GABRG3: variants seen among roughly 807,000 people sequenced by gnomAD.
GABRG3 encodes gamma-aminobutyric acid type A receptor subunit gamma3.
Under a neutral mutation model 48.8 loss-of-function variants are expected in GABRG3, and 25 were observed. That is an observed-to-expected ratio of 0.51 (90% CI 0.37 to 0.72). The LOEUF (loss-of-function observed/expected upper bound fraction) is 0.72, where lower values mean the gene tolerates loss of function less well. Ranked by LOEUF, GABRG3 falls within the 30% of genes least tolerant of loss-of-function variation. The pLI, the probability that GABRG3 is intolerant of heterozygous loss-of-function variation, is 0.00. For synonymous variants in GABRG3, 227 were observed against 217.6 expected (o/e 1.04, Z -0.38); for missense variants, 394 against 577.9 (o/e 0.68, Z 3.26).
In GABRG3 at chr15:27,311,253, A is replaced by G. The variant is rs188820003; in HGVS notation, c.271-15556A>G. On this transcript the variant is annotated intron_variant, in intron 3 of 9. Transcript: ENST00000615808. Reference sequence around the variant, plus strand: ...CCTAGGTGAGCACAAAACTACCCACATCAAAGTCAGTAGGGAAATTTAAGA... The same window carrying G: ...CCTAGGTGAGCACAAAACTACCCACGTCAAAGTCAGTAGGGAAATTTAAGA... Among the ~76,000 whole-genome samples, 1,450 of 151,678 alleles carry G rather than the reference A, an allele frequency of 9.6e-3. 49 individuals carry two copies. In the East Asian group the frequency reaches 0.11, roughly 12 times the overall value.
At chr15:27,264,044 C>G (rs1043172656) in intron 3 of GABRG3, among the ~76,000 whole-genome samples, 1 of 152,004 alleles carries the variant, frequency 6.6e-6, no homozygotes, top group Non-Finnish European at 1.5e-5. Flanking sequence ...AAGGGCCGCT[C>G]CCTTGAGCTG....
intron 3 of GABRG3, among the ~76,000 whole-genome samples, chr15:27,132,471 GTTTTTTTTTT>G (rs59023766): frequency 3.0e-4 from 12 of 39,592 alleles, no homozygotes; most frequent in African/African-American, 9.7e-4. Flanking sequence ...AGTAGTTACA[GTTTTTTTTTT>G]TTTTTTTTTT....
intron 3 of GABRG3, among the ~76,000 whole-genome samples, chr15:27,096,743 G>A (rs1167231700): frequency 6.6e-6 from 1 of 151,374 alleles, no homozygotes; most frequent in Non-Finnish European, 1.5e-5. Context: ...CCTTCTTTTT[G>A]TATTTGTTGT....
intron 3 of GABRG3, among the ~76,000 whole-genome samples, chr15:27,074,231 A>G (rs60149818): frequency 0.21 from 31,394 of 152,072 alleles, 3,399 homozygotes; most frequent in Middle Eastern, 0.27. Flanking sequence ...ACAATTCATG[A>G]TGAGATTTGG....
chr15:27,448,351 A>G (rs1275077112), intron 5 of GABRG3, among the ~76,000 whole-genome samples: 1 of 152,196 alleles, frequency 6.6e-6, no homozygotes, highest in African/African-American at 2.4e-5. Flanking sequence ...TCTGGAAGGC[A>G]CTATTTCCCA....
At chr15:27,052,289 T>TG (rs557550978) in intron 3 of GABRG3, among the ~76,000 whole-genome samples, 91 of 152,140 alleles carry the variant, frequency 6.0e-4, no homozygotes, top group Non-Finnish European at 8.1e-4. Context: ...CTGATCACCT[T>TG]GGGGGGGTGC....
At chr15:27,321,595 C>T (rs545546699) in intron 3 of GABRG3, among the ~76,000 whole-genome samples, 3 of 152,326 alleles carry the variant, frequency 2.0e-5, no homozygotes, top group African/African-American at 4.8e-5. Context: ...AGGCCTATTA[C>T]TACCATTTTG....
chr15:27,370,200 A>G (rs1895361591), intron 5 of GABRG3, among the ~76,000 whole-genome samples: 1 of 152,210 alleles, frequency 6.6e-6, no homozygotes, highest in Non-Finnish European at 1.5e-5. Flanking sequence ...TATCAAATGA[A>G]GTATTTGCCT....
rs1187645313 is a variant in GABRG3 at position 27,238,661 on chromosome 15, AATT to A, written c.271-88143_271-88141del. On this transcript the variant is annotated intron_variant, in intron 3 of 9. Coordinates refer to ENST00000615808, the MANE Select transcript of GABRG3 (RefSeq NM_033223.5). ...GTGTGTGACATGTAATTGACTAAAT[AATT>A]ATTACTTGTTAATTCTGCATATATT... Among the ~76,000 whole-genome samples the A allele has an allele frequency of 2.0e-5, 3 of 152,208 alleles. No homozygotes were observed. The East Asian group carries it at 5.8e-4, about 29-fold the overall frequency.
At chr15:27,052,104 C>T (rs908575234) in intron 3 of GABRG3, among the ~76,000 whole-genome samples, 1 of 152,212 alleles carries the variant, frequency 6.6e-6, no homozygotes, top group Non-Finnish European at 1.5e-5. Context: ...TCCTGACAGG[C>T]CTTGGACTGA....
intron 3 of GABRG3, among the ~76,000 whole-genome samples, chr15:27,167,398 C>T (rs891239103): frequency 7.2e-5 from 11 of 152,200 alleles, no homozygotes; most frequent in African/African-American, 2.7e-4. Flanking sequence ...AGAGAAAGAG[C>T]ACCCAAGGTG....
chr15:27,009,871 C>A (rs902561478), intron 2 of GABRG3, among the ~76,000 whole-genome samples: 1 of 152,104 alleles, frequency 6.6e-6, no homozygotes, highest in Admixed American at 6.6e-5. Flanking sequence ...CTTTCCTCCT[C>A]CTCCTCCTGC....
intron 3 of GABRG3, among the ~76,000 whole-genome samples, chr15:27,100,503 A>C (rs955926268): frequency 1.3e-5 from 2 of 152,180 alleles, no homozygotes; most frequent in Non-Finnish European, 2.9e-5. Flanking sequence ...CCTGATACCA[A>C]AACCAGATAA....
At chr15:27,476,515 G>A (rs1889944807) in intron 5 of GABRG3, among the ~76,000 whole-genome samples, 1 of 151,756 alleles carries the variant, frequency 6.6e-6, no homozygotes, top group Non-Finnish European at 1.5e-5. Flanking sequence ...GAGTTGAAAA[G>A]TACAATGACT....
intron 3 of GABRG3, among the ~76,000 whole-genome samples, chr15:27,196,879 C>T (rs1204709440): frequency 6.6e-6 from 1 of 152,204 alleles, no homozygotes. Context: ...GTGCTGTGCA[C>T]AGTGAGCATT....
rs568510605 is a variant in GABRG3, at chr15:27,332,792, G to T, written c.574+3904G>T. Among the ~76,000 whole-genome samples, 5 of 152,246 alleles carry T rather than the reference G, an allele frequency of 3.3e-5. No homozygotes were observed. The South Asian group carries it at 1.0e-3, about 32-fold the overall frequency. Reference sequence around the variant, plus strand: ...AGTAACAACTTTTAGGCTGGTCTTGGCTCTCTGAGTTTCCAATATATGCAC... The same window carrying T: ...AGTAACAACTTTTAGGCTGGTCTTGTCTCTCTGAGTTTCCAATATATGCAC... On this transcript the variant is annotated intron_variant, in intron 5 of 9. Transcript: ENST00000615808.
At chr15:27,496,186 T>G (rs751943331) in intron 6 of GABRG3, among the ~76,000 whole-genome samples, 3 of 152,198 alleles carry the variant, frequency 2.0e-5, no homozygotes, top group Non-Finnish European at 4.4e-5. Context: ...CTGGCAGGTA[T>G]GGAAGTCTTG....
chr15:27,513,314 G>A (rs546896190), intron 6 of GABRG3, among the ~76,000 whole-genome samples: 1 of 152,046 alleles, frequency 6.6e-6, no homozygotes, highest in Non-Finnish European at 1.5e-5. Flanking sequence ...GCCAGGCGTG[G>A]TGGTGGGCGC....
At chr15:27,044,525 A>G (rs1469182616) in intron 3 of GABRG3, among the ~76,000 whole-genome samples, 6 of 152,236 alleles carry the variant, frequency 3.9e-5, no homozygotes, top group Non-Finnish European at 1.5e-5. Context: ...AAATATTAAG[A>G]TAAAATATTT....
Sources: allele counts gnomAD v4.1 joint callset (sites outside exome capture counted in the v4.1 genomes callset), GRCh38; gene constraint gnomAD v4.1.1; transcripts MANE v1.5; gene names NCBI Gene and HGNC (gene_info 2026-07-23, HGNC 2026-07-21).